The following UNC13C variants were observed in gnomAD, a reference collection of about 807,000 sequenced individuals.
The protein encoded by UNC13C is unc-13 homolog C, also known as protein unc-13 homolog C.
A neutral mutation model predicts 245.4 loss-of-function variants in UNC13C; 174 were observed. The ratio of observed to expected loss-of-function variants is 0.71; its 90% CI spans 0.63 to 0.80. The LOEUF (loss-of-function observed/expected upper bound fraction) is 0.80. UNC13C is among the 30% of genes least tolerant of loss of function. The probability of loss-of-function intolerance (pLI) is 0.00; values close to 1 mark genes in which losing one functional copy is unlikely to be tolerated. For synonymous variants in UNC13C, 992 were observed against 895.1 expected (o/e 1.11, Z -1.93); for missense variants, 2,829 against 2,602.9 (o/e 1.09, Z -1.89).
At chr15:54,141,966 A>G (rs1340282557) in intron 2 of UNC13C, among the ~76,000 whole-genome samples, 1 of 152,126 alleles carries the variant, frequency 6.6e-6, no homozygotes, top group Admixed American at 6.5e-5. Context: ...ACAAATTTTA[A>G]TCTTTCCATT....
chr15:54,097,637 G>A (rs1899940006), intron 2 of UNC13C, among the ~76,000 whole-genome samples: 1 of 152,124 alleles, frequency 6.6e-6, no homozygotes, highest in South Asian at 2.1e-4. Context: ...CAACTTCTAG[G>A]AGTGGATCCA....
the UNC13C span, among the ~76,000 whole-genome samples, chr15:53,929,395 T>G: frequency 1.3e-5 from 2 of 152,158 alleles, no homozygotes; most frequent in Non-Finnish European, 2.9e-5. Flanking sequence ...AATTTTGAAA[T>G]GCCACTAAGA....
At chr15:54,512,256 T>C in intron 24 of UNC13C, 1 of 438,016 alleles carries the variant, frequency 2.3e-6, no homozygotes, top group South Asian at 1.6e-5. Flanking sequence ...ATTTTTCACA[T>C]TGAGAAAGCT....
chr15:54,600,384 C>T (rs966161161), intron 30 of UNC13C, among the ~76,000 whole-genome samples: 4 of 151,974 alleles, frequency 2.6e-5, no homozygotes, highest in Non-Finnish European at 5.9e-5. Context: ...AAAATGGTAT[C>T]ACCAAAGGCA....
intron 30 of UNC13C, among the ~76,000 whole-genome samples, chr15:54,608,086 G>A (rs1285386476): frequency 1.3e-5 from 2 of 151,860 alleles, no homozygotes; most frequent in African/African-American, 4.8e-5. Flanking sequence ...TAGCATTACG[G>A]GATAAGTCAG....
chr15:54,119,486 G>A (rs1183616620), intron 2 of UNC13C, among the ~76,000 whole-genome samples: 2 of 151,986 alleles, frequency 1.3e-5, no homozygotes, highest in Non-Finnish European at 2.9e-5. Flanking sequence ...CCACATATAG[G>A]CCATTAGTTC....
intron 20 of UNC13C, among the ~76,000 whole-genome samples, chr15:54,499,596 G>A (rs1894107334): frequency 6.6e-6 from 1 of 152,064 alleles, no homozygotes; most frequent in Non-Finnish European, 1.5e-5. Context: ...AAGAATTTAT[G>A]CTCAGAATGG....
chr15:54,191,288 A>T (rs1053065997), intron 4 of UNC13C, among the ~76,000 whole-genome samples: 1 of 152,092 alleles, frequency 6.6e-6, no homozygotes, highest in Non-Finnish European at 1.5e-5. Flanking sequence ...CTTATGAGTG[A>T]GAACATGCAG....
At chr15:54,499,088 T>A (rs1013832064) in intron 20 of UNC13C, among the ~76,000 whole-genome samples, 1 of 152,056 alleles carries the variant, frequency 6.6e-6, no homozygotes, top group Non-Finnish European at 1.5e-5. Context: ...TGGCTCACAG[T>A]TCTGCAGGCT....
chr15:53,856,700 T>C, the UNC13C span, among the ~76,000 whole-genome samples: 1 of 152,236 alleles, frequency 6.6e-6, no homozygotes, highest in South Asian at 2.1e-4. Context: ...AGGAGTGTTT[T>C]CATTTATCTG....
intron 4 of UNC13C, among the ~76,000 whole-genome samples, chr15:54,193,343 T>C (rs1298106709): frequency 1.3e-5 from 2 of 152,196 alleles, no homozygotes; most frequent in African/African-American, 4.8e-5. Context: ...AGCTTGAGTG[T>C]ATACACAACA....
chr15:53,941,415 G>C, the UNC13C span, among the ~76,000 whole-genome samples: 1 of 152,104 alleles, frequency 6.6e-6, no homozygotes, highest in Non-Finnish European at 1.5e-5. Flanking sequence ...AATGACAAAA[G>C]CAATTGCAAC....
the UNC13C span, among the ~76,000 whole-genome samples, chr15:53,939,314 ACT>A: frequency 2.0e-5 from 3 of 152,196 alleles, no homozygotes; most frequent in South Asian, 4.1e-4. Context: ...TGAATAGACC[ACT>A]AATGAGTTCT....
chr15:53,856,743 A>G, the UNC13C span, among the ~76,000 whole-genome samples: 3 of 151,742 alleles, frequency 2.0e-5, no homozygotes, highest in Non-Finnish European at 4.4e-5. Context: ...TGAGGTGATA[A>G]GAATGTATAT....
chr15:54,416,554 T>C (rs2040525370), intron 19 of UNC13C, among the ~76,000 whole-genome samples: 1 of 152,160 alleles, frequency 6.6e-6, no homozygotes, highest in Admixed American at 6.6e-5. Flanking sequence ...CTTTGTCTCC[T>C]ACTAACCACA....
intron 10 of UNC13C, among the ~76,000 whole-genome samples, chr15:54,282,562 A>G (rs998351075): frequency 5.3e-5 from 8 of 152,144 alleles, no homozygotes; most frequent in African/African-American, 1.9e-4. Flanking sequence ...AGGGGGTGTT[A>G]CAGTGCTTCT....
the UNC13C span, among the ~76,000 whole-genome samples, chr15:53,856,076 A>G: frequency 6.6e-6 from 1 of 152,128 alleles, no homozygotes; most frequent in Non-Finnish European, 1.5e-5. Flanking sequence ...GTTTGTGTGC[A>G]TAGAGATGTT....
chr15:54,466,118 A>C (rs538117606), intron 19 of UNC13C, among the ~76,000 whole-genome samples: 1 of 152,006 alleles, frequency 6.6e-6, no homozygotes, highest in Non-Finnish European at 1.5e-5. Context: ...GTTCTCACTC[A>C]TATGTGGGAG....
At chr15:54,559,223 A>G (rs1897205228) in intron 29 of UNC13C, among the ~76,000 whole-genome samples, 2 of 152,022 alleles carry the variant, frequency 1.3e-5, no homozygotes, top group African/African-American at 4.8e-5. Flanking sequence ...GGAACTTATT[A>G]CTTTCTTATT....
Sources: allele counts gnomAD v4.1 joint callset (sites outside exome capture counted in the v4.1 genomes callset), GRCh38; gene constraint gnomAD v4.1.1; transcripts MANE v1.5; gene names NCBI Gene and HGNC (gene_info 2026-07-23, HGNC 2026-07-21).